Variants in GPR176 observed in about 807,000 individuals in gnomAD.
GPR176 encodes G protein-coupled receptor 176.
A neutral mutation model predicts 35.4 loss-of-function variants in GPR176; 26 were observed. That is an observed-to-expected ratio of 0.74 (90% confidence interval 0.54 to 1.02). The LOEUF (loss-of-function observed/expected upper bound fraction) is 1.02. GPR176 is among the 50% of genes least tolerant of loss of function. GPR176 has a pLI of 0.00. For synonymous variants in GPR176, 278 were observed against 271.3 expected (o/e 1.02, Z -0.24); for missense variants, 597 against 665.3 (o/e 0.90, Z 1.13).
intron 1 of GPR176, among the ~76,000 whole-genome samples, chr15:39,915,825 A>T (rs2033713851): frequency 6.6e-6 from 1 of 152,218 alleles, no homozygotes; most frequent in Non-Finnish European, 1.5e-5. Context: ...GGTTGCAGTG[A>T]GCCAAGATTG....
intron 1 of GPR176, among the ~76,000 whole-genome samples, chr15:39,879,419 C>T (rs1241424321): frequency 6.6e-6 from 1 of 152,182 alleles, no homozygotes; most frequent in African/African-American, 2.4e-5. Context: ...TGTGGGAAAC[C>T]TAAAGCAACT....
intron 1 of GPR176, among the ~76,000 whole-genome samples, chr15:39,907,039 T>C (rs1321649169): frequency 6.6e-6 from 1 of 152,134 alleles, no homozygotes; most frequent in Non-Finnish European, 1.5e-5. Context: ...AGTGATGTGA[T>C]AGAAGTGATT....
intron 1 of GPR176, among the ~76,000 whole-genome samples, chr15:39,839,689 G>A (rs1467226711): frequency 6.6e-6 from 1 of 152,088 alleles, no homozygotes; most frequent in African/African-American, 2.4e-5. Context: ...GAGCGAACAG[G>A]CAACCTACAG....
rs73397178 is a variant in GPR176 at position 39,827,656 on chromosome 15, T to G, written c.173-20398A>C. On this transcript the variant is annotated intron_variant, in intron 1 of 2. Coordinates refer to ENST00000561100, the MANE Select transcript of GPR176 (RefSeq NM_007223.3). ...TTTTATTTTACAGTGGACAGGTAGA[T>G]TGCTACAGATATCTGAAAGGTAGGT... Among the ~76,000 whole-genome samples, 1,056 of 152,276 alleles carry G rather than the reference T, an allele frequency of 6.9e-3. 12 individuals carry two copies. Among genetic ancestry groups the G allele is most frequent in the African/African-American group, 0.024 (1,001 of 41,542 alleles).
intron 1 of GPR176, among the ~76,000 whole-genome samples, chr15:39,811,731 A>G (rs1377850640): frequency 6.6e-6 from 1 of 152,110 alleles, no homozygotes; most frequent in South Asian, 2.1e-4. Context: ...CCTGGCGAAC[A>G]TGGTGAAACC....
intron 1 of GPR176, among the ~76,000 whole-genome samples, chr15:39,907,756 T>C (rs995542290): frequency 6.6e-6 from 1 of 152,218 alleles, no homozygotes; most frequent in Non-Finnish European, 1.5e-5. Flanking sequence ...TAGATTTTTT[T>C]TCTTGCCACT....
chr15:39,849,514 A>G (rs1258256550), intron 1 of GPR176, among the ~76,000 whole-genome samples: 1 of 152,184 alleles, frequency 6.6e-6, no homozygotes, highest in Non-Finnish European at 1.5e-5. Context: ...TAGTTACACA[A>G]AAAGTCTTAA....
intron 1 of GPR176, among the ~76,000 whole-genome samples, chr15:39,910,786 CCAGCACTT>C (rs1040924290): frequency 1.3e-5 from 2 of 152,136 alleles, no homozygotes; most frequent in Non-Finnish European, 2.9e-5. Flanking sequence ...ACCTGTAATC[CCAGCACTT>C]TGGGAGGCCA....
chr15:39,832,843 C>G (rs1901181389), intron 1 of GPR176, among the ~76,000 whole-genome samples: 1 of 152,162 alleles, frequency 6.6e-6, no homozygotes, highest in Non-Finnish European at 1.5e-5. Flanking sequence ...ATCTTCAAAG[C>G]CAAAATGGCT....
intron 1 of GPR176, among the ~76,000 whole-genome samples, chr15:39,821,864 T>C (rs904501667): frequency 1.3e-5 from 2 of 152,224 alleles, no homozygotes; most frequent in African/African-American, 4.8e-5. Flanking sequence ...TGGTCAATGA[T>C]CTTCACATCC....
intron 1 of GPR176, among the ~76,000 whole-genome samples, chr15:39,828,182 A>G (rs896104296): frequency 6.6e-6 from 1 of 152,212 alleles, no homozygotes; most frequent in Non-Finnish European, 1.5e-5. Flanking sequence ...TCAGCCCTTA[A>G]TACCCAGAGG....
intron 1 of GPR176, among the ~76,000 whole-genome samples, chr15:39,883,896 A>G (rs563464922): frequency 1.4e-4 from 22 of 152,264 alleles, no homozygotes; most frequent in Non-Finnish European, 2.2e-4. Context: ...TTCCTATGAT[A>G]AATCTTTATT....
intron 1 of GPR176, among the ~76,000 whole-genome samples, chr15:39,917,158 C>T (rs2140882956): frequency 6.6e-6 from 1 of 152,004 alleles, no homozygotes; most frequent in East Asian, 2.0e-4. Context: ...TGGCGGGCAC[C>T]TGTAATCCCA....
intron 1 of GPR176, among the ~76,000 whole-genome samples, chr15:39,867,126 TAG>T (rs2031861984): frequency 1.3e-5 from 2 of 151,554 alleles, no homozygotes; most frequent in African/African-American, 2.4e-5. Context: ...ACTCTGAGAG[TAG>T]AGAGGAAGGT....
chr15:39,908,720 C>A (rs1322494959), intron 1 of GPR176, among the ~76,000 whole-genome samples: 1 of 152,158 alleles, frequency 6.6e-6, no homozygotes, highest in Non-Finnish European at 1.5e-5. Context: ...CTCATTCTCT[C>A]CTAAGCAGAT....
intron 1 of GPR176, among the ~76,000 whole-genome samples, chr15:39,874,771 C>T (rs77944801): frequency 0.011 from 1,682 of 152,116 alleles, 14 homozygotes; most frequent in Middle Eastern, 0.014. Context: ...CAGCTGGGTG[C>T]GGTGGCTCAT....
intron 1 of GPR176, among the ~76,000 whole-genome samples, chr15:39,875,737 G>T (rs1296660267): frequency 1.3e-5 from 2 of 152,076 alleles, no homozygotes; most frequent in African/African-American, 4.8e-5. Flanking sequence ...AATAACATAT[G>T]TGAAAATGTT....
Position 39,919,943 on chromosome 15 carries a change from G to A in GPR176, c.84C>T (p.Arg28=). ...CCTCGCCGAACTCCCCGAGCGCGCT[G>A]CGGTTCACACCCGCAGCCTCGGCGC... ...ASGAEAAGVN[R]SALGEFGEAQ... Residue 28 remains arginine, a synonymous_variant, in exon 1 of 3, where the codon CGC becomes CGT. Coordinates refer to ENST00000561100, the MANE Select transcript of GPR176 (RefSeq NM_007223.3). 6.6e-7 allele frequency: 1 copy of A among 1,516,364 alleles called. No homozygotes were observed. The highest frequency in any genetic ancestry group is 8.8e-7 in the Non-Finnish European group (1 of 1,135,462). The allele number at this position is 1,516,364 out of a possible 1,614,324, so 93.9% of individuals were successfully genotyped here.
chr15:39,864,389 G>A (rs529346778), intron 1 of GPR176, among the ~76,000 whole-genome samples: 2 of 152,204 alleles, frequency 1.3e-5, no homozygotes, highest in East Asian at 1.9e-4. Context: ...ATATACACTG[G>A]GGAAAGGAAA....
Sources: allele counts gnomAD v4.1 joint callset (sites outside exome capture counted in the v4.1 genomes callset), GRCh38; gene constraint gnomAD v4.1.1; transcripts MANE v1.5; gene names NCBI Gene and HGNC (gene_info 2026-07-23, HGNC 2026-07-21).